HOXA3: variants seen among roughly 807,000 people sequenced by gnomAD.
HOXA3 encodes homeobox protein Hox-A3.
HOXA3 carries 8 observed loss-of-function variants against 30.3 expected under a neutral mutation model. The observed-to-expected ratio is 0.26, with a 90% CI of 0.15 to 0.48. The LOEUF (loss-of-function observed/expected upper bound fraction) is 0.48, where lower values mean the gene tolerates loss of function less well. HOXA3 is among the 20% of genes least tolerant of loss of function. HOXA3 has a pLI of 0.99. For synonymous variants in HOXA3, 323 were observed against 273.1 expected (o/e 1.18, Z -1.80); for missense variants, 653 against 614.4 (o/e 1.06, Z -0.66).
In HOXA3 at chr7:27,148,529, C is replaced by T. The variant is rs532518733; in HGVS notation, c.-494+3759G>A. Among the ~76,000 whole-genome samples, 4 of 152,392 alleles carry T rather than the reference C, an allele frequency of 2.6e-5. No individual in the cohort carries two copies. The South Asian group carries it at 8.3e-4, about 32-fold the overall frequency. The stretch of plus-strand genomic sequence containing the variant: ...GTAGGTTCTTCCCACCCATTCCCTC[C>T]TCCCACATACACATCCTGTTTGAGT... On this transcript the variant is annotated intron_variant, in intron 1 of 5. Transcript: ENST00000612286.
In HOXA3 at chr7:27,147,141, C is replaced by T. The variant is rs368664620; in HGVS notation, c.-494+5147G>A. 66 of 698,744 alleles carry T rather than the reference C, an allele frequency of 9.4e-5. No homozygotes were observed. In the African/African-American group the frequency reaches 1.0e-3, roughly 11 times the overall value. 43.3% of individuals were successfully genotyped at this position (698,744 alleles called of 1,614,324 possible). A position where few individuals can be genotyped will look rare whatever the true frequency, so the allele number is the denominator to read the frequency against. On this transcript the variant is annotated intron_variant, in intron 1 of 5. Coordinates refer to ENST00000612286, the MANE Select transcript of HOXA3 (RefSeq NM_153631.3). ...CCTTCCTCTGCCATGGCCTGATAGC[C>T]CCATTGGGAACTGATTTTTTCTTCT...
chr7:27,107,423 GTACACTT>G lies in HOXA3; in HGVS notation c.*485_*491del, dbSNP rs1784069643. The G allele has an allele frequency of 1.3e-5, 2 of 152,118 alleles. No homozygotes were observed. Among genetic ancestry groups the G allele is most frequent in the African/African-American group, 2.4e-5 (1 of 41,364 alleles). 9.4% of individuals were successfully genotyped at this position (152,118 alleles called of 1,614,324 possible). ...CACCAGCATACACACACGGAAAGAC[GTACACTT>G]AGTCATCCTTGCACAGAGAGCCCCT... On this transcript the variant is annotated 3_prime_UTR_variant, in exon 6 of 6. Transcript: ENST00000612286.
At chr7:27,130,409 T>C in intron 2 of HOXA3, 2 of 1,169,704 alleles carry the variant, frequency 1.7e-6, no homozygotes, top group Non-Finnish European at 2.1e-6. Context: ...CGCCCGGGGC[T>C]GGCGCCGCCG....
intron 1 of HOXA3, among the ~76,000 whole-genome samples, chr7:27,151,924 G>A (rs1360051559): frequency 2.0e-5 from 3 of 152,172 alleles, no homozygotes; most frequent in Non-Finnish European, 4.4e-5. Context: ...AGTGTGCCGG[G>A]CCACTTCCTT....
chr7:27,126,534 G>A (rs1049749359), intron 3 of HOXA3, among the ~76,000 whole-genome samples: 3 of 151,996 alleles, frequency 2.0e-5, no homozygotes, highest in Admixed American at 2.0e-4. Context: ...GCATGATTTT[G>A]AAGCACAAAG....
intron 1 of HOXA3, among the ~76,000 whole-genome samples, chr7:27,146,287 G>A (rs1782767154): frequency 6.6e-6 from 1 of 151,762 alleles, no homozygotes; most frequent in Non-Finnish European, 1.5e-5. Flanking sequence ...GGGGTGGGTG[G>A]TGTGGAACCA....
intron 2 of HOXA3, among the ~76,000 whole-genome samples, chr7:27,127,623 G>A (rs1005597729): frequency 6.6e-6 from 1 of 152,190 alleles, no homozygotes; most frequent in African/African-American, 2.4e-5. Context: ...GGTTTTTGTG[G>A]TCTTATTGTA....
intron 2 of HOXA3, among the ~76,000 whole-genome samples, chr7:27,138,338 T>C (rs1295575029): frequency 6.6e-6 from 1 of 152,222 alleles, no homozygotes; most frequent in East Asian, 1.9e-4. Flanking sequence ...TTTAGGGACA[T>C]CTGTTGGACT....
chr7:27,137,512 C>G (rs1785751914), intron 2 of HOXA3, among the ~76,000 whole-genome samples: 1 of 152,124 alleles, frequency 6.6e-6, no homozygotes. Context: ...TAGTAAGTTC[C>G]TCTGCAAGAA....
At chr7:27,128,779 T>C (rs1343274347) in intron 2 of HOXA3, 1 of 204,334 alleles carries the variant, frequency 4.9e-6, no homozygotes, top group Non-Finnish European at 1.0e-5. Flanking sequence ...ACTCATTTAT[T>C]CAGTTAAATA....
At position 27,145,597 on chromosome 7, in the gene HOXA3, C is replaced by A. The variant is rs547120546; in HGVS notation, c.-493-5411G>T. On this transcript the variant is annotated intron_variant, in intron 1 of 5. Coordinates refer to ENST00000612286, the MANE Select transcript of HOXA3 (RefSeq NM_153631.3). ...GCGGGGAGAAAAGTTGGGGAACAGG[C>A]GAGGGCAAGGGGGCAAAGCCGAAGG... 1.9e-5 allele frequency: 30 copies of A among 1,561,850 alleles called. No homozygotes were observed. In the South Asian group the frequency reaches 3.0e-4, roughly 16 times the overall value.
At chr7:27,147,398 C>CGCT (rs768817015) in intron 1 of HOXA3, 1 of 1,614,186 alleles carries the variant, frequency 6.2e-7, no homozygotes, top group Admixed American at 1.7e-5. Flanking sequence ...TTGCCCTGCC[C>CGCT]GCTGCTGCTG....
chr7:27,119,103 A>C (rs1784881627), intron 4 of HOXA3, among the ~76,000 whole-genome samples: 1 of 152,094 alleles, frequency 6.6e-6, no homozygotes, highest in African/African-American at 2.4e-5. Flanking sequence ...AAGTTTCTAA[A>C]CATAAAAAAT....
At chr7:27,143,105 G>A (rs746416761) in intron 1 of HOXA3, 7 of 1,570,296 alleles carry the variant, frequency 4.5e-6, no homozygotes, top group Non-Finnish European at 6.0e-6. Context: ...GGGCGGCGCC[G>A]GGCTCGGCTC....
intron 1 of HOXA3, chr7:27,145,770 C>A: frequency 1.2e-6 from 2 of 1,614,226 alleles, no homozygotes; most frequent in Non-Finnish European, 1.7e-6. Context: ...CTTGATCTGG[C>A]GCTCGGTGAG....
rs1784162401 is a variant in HOXA3, at chr7:27,108,515, C to T, written c.732G>A (p.Met244Ile). The part of the protein sequence containing the change: ...QIKIWFQNRR[M>I]KYKKDQKGKG... The stretch of plus-strand genomic sequence containing the variant: ...TGCCCTTCTGATCCTTTTTGTACTT[C>T]ATGCGGCGATTCTGGAACCAGATCT... The change falls in exon 6 of 6, where the codon ATG becomes ATA. Residue 244 changes from methionine to isoleucine, a missense_variant. Transcript: ENST00000612286. The surrounding 1 kb of genome is among the most constrained non-coding windows in gnomAD (Gnocchi z 5.0). 1 of 1,614,034 alleles carries T rather than the reference C, an allele frequency of 6.2e-7. No individual in the cohort carries two copies. Among genetic ancestry groups the T allele is most frequent in the Admixed American group, 1.7e-5 (1 of 60,012 alleles).
chr7:27,108,020 G>C lies in HOXA3; in HGVS notation c.1227C>G (p.His409Gln). 1 of 1,612,862 alleles carries C rather than the reference G, an allele frequency of 6.2e-7. No homozygotes were observed. The highest frequency in any genetic ancestry group is 8.5e-7 in the Non-Finnish European group (1 of 1,179,302). Residue 409 changes from histidine to glutamine, a missense_variant, in exon 6 of 6, where the codon CAC becomes CAG. Around this residue, in one of 3 missense-constraint regions of HOXA3, gnomAD observed 330 missense variants for 274.4 expected, o/e 1.20. Coordinates refer to ENST00000612286, the MANE Select transcript of HOXA3 (RefSeq NM_153631.3). This position sits in a 1 kb window ranked among gnomAD's most constrained non-coding sequence, Gnocchi z 5.0. ...GCGGCTCCCCAGGCCCCGGCCCGTG[G>C]TGGTGGCCGCTGCCCAGCGGCCCGG... ...GGAGPLGSGH[H>Q]HGPGPGEPHP...
intron 1 of HOXA3, chr7:27,145,836 T>C: frequency 6.2e-7 from 1 of 1,614,224 alleles, no homozygotes; most frequent in South Asian, 1.1e-5. Context: ...GCGGTTGAAG[T>C]GGAACTCCTT....
intron 4 of HOXA3, among the ~76,000 whole-genome samples, chr7:27,112,447 C>G (rs1407501777): frequency 2.0e-5 from 3 of 152,196 alleles, no homozygotes; most frequent in Non-Finnish European, 2.9e-5. Flanking sequence ...ATCTGCAAAA[C>G]AGGCACAATT....
Sources: gnomAD v4.1 joint callset for allele counts (sites outside exome capture counted in the v4.1 genomes callset) on GRCh38, gnomAD v4.1.1 for gene constraint, gnomAD v4.1.1 regional missense constraint, Gnocchi (gnomAD v3.1) non-coding constraint, MANE v1.5 for transcripts, NCBI Gene and HGNC (gene_info 2026-07-23, HGNC 2026-07-21) for gene names.